Variants in ZNF280D observed in about 807,000 individuals in gnomAD.
The protein encoded by ZNF280D is suppressor of hairy wing homolog 4.
Under a neutral mutation model 94.7 loss-of-function variants are expected in ZNF280D, and 39 were observed. The ratio of observed to expected loss-of-function variants is 0.41; its 90% CI spans 0.32 to 0.54. The LOEUF (loss-of-function observed/expected upper bound fraction) is 0.54. Among genes scored for constraint, ZNF280D ranks in the 20% least tolerant of loss-of-function variants. The probability of loss-of-function intolerance (pLI) is 0.22; values close to 1 mark genes in which losing one functional copy is unlikely to be tolerated. For synonymous variants in ZNF280D, 398 were observed against 377.6 expected (o/e 1.05, Z -0.63); for missense variants, 1,090 against 1,149.3 (o/e 0.95, Z 0.75).
At chr15:56,649,065 A>G (rs762112048) in intron 19 of ZNF280D, among the ~76,000 whole-genome samples, 21 of 152,304 alleles carry the variant, frequency 1.4e-4, no homozygotes, top group Middle Eastern at 3.4e-3. Context: ...GAGAGACAAG[A>G]AATAAAAAAG....
chr15:56,665,564 G>T (rs1465714374), intron 16 of ZNF280D, among the ~76,000 whole-genome samples: 1 of 151,992 alleles, frequency 6.6e-6, no homozygotes, highest in East Asian at 1.9e-4. Flanking sequence ...AAGTATAGAT[G>T]GCCTGACAGA....
chr15:56,680,103 A>G (rs183356571), intron 10 of ZNF280D, among the ~76,000 whole-genome samples: 1 of 152,344 alleles, frequency 6.6e-6, no homozygotes, highest in Admixed American at 6.5e-5. Flanking sequence ...AACCTCTTGC[A>G]AGGATGTTCA....
intron 13 of ZNF280D, among the ~76,000 whole-genome samples, chr15:56,669,907 ATATATATTATATATATAT>A (rs2054626666): frequency 1.8e-3 from 11 of 6,264 alleles, no homozygotes; most frequent in East Asian, 0.018. Context: ...TATATAATAT[ATATATATTATATATATAT>A]TATATATATA....
At chr15:56,689,188 T>G (rs746720950) in intron 8 of ZNF280D, 38 bp from the exon 9 acceptor site, 3 of 1,581,534 alleles carry the variant, frequency 1.9e-6, no homozygotes, top group Non-Finnish European at 2.6e-6. Flanking sequence ...TCAAAATTCA[T>G]CACTTTTTAA....
intron 3 of ZNF280D, among the ~76,000 whole-genome samples, chr15:56,706,692 T>C (rs1245112375): frequency 2.0e-5 from 3 of 152,134 alleles, no homozygotes; most frequent in African/African-American, 7.2e-5. Flanking sequence ...CAAACTCATA[T>C]AGTATACAAA....
rs2052039457 is a variant in ZNF280D, at chr15:56,630,643, C to T, written c.*855G>A. 1.3e-5 allele frequency: 2 copies of T among 152,028 alleles called. No homozygotes were observed. Among genetic ancestry groups the T allele is most frequent in the African/African-American group, 2.4e-5 (1 of 41,402 alleles). 9.4% of individuals were successfully genotyped at this position (152,028 alleles called of 1,614,324 possible). On this transcript the variant is annotated 3_prime_UTR_variant, in exon 22 of 22. Coordinates refer to ENST00000267807, the MANE Select transcript of ZNF280D (RefSeq NM_017661.4). ...TGGCTTCCAGACCATTTTTATGGGC[C>T]TATTTCTAAGGAAGATCATTAAAAC... is the stretch of plus-strand genomic sequence containing the variant.
intron 12 of ZNF280D, 142 bp from the exon 13 acceptor site, chr15:56,676,958 C>T: frequency 1.6e-6 from 1 of 608,014 alleles, no homozygotes; most frequent in African/African-American, 1.9e-5. Context: ...AAGAATCTCA[C>T]TAAGGCAACA....
intron 1 of ZNF280D, among the ~76,000 whole-genome samples, chr15:56,708,897 T>G (rs2057583930): frequency 6.6e-6 from 1 of 152,086 alleles, no homozygotes; most frequent in African/African-American, 2.4e-5. Flanking sequence ...CCTAAAACCA[T>G]AAAAACCCTA....
At chr15:56,635,437 T>G (rs1202297499) in intron 20 of ZNF280D, 187 bp from the exon 21 acceptor site, 1 of 188,674 alleles carries the variant, frequency 5.3e-6, no homozygotes, top group Non-Finnish European at 1.1e-5. Flanking sequence ...TTTGAAAATG[T>G]TTTTAAACCT....
chr15:56,679,253 C>T (rs1463357915), intron 10 of ZNF280D, among the ~76,000 whole-genome samples: 1 of 152,114 alleles, frequency 6.6e-6, no homozygotes, highest in Non-Finnish European at 1.5e-5. Flanking sequence ...AAAGGAAACC[C>T]TATCACCAAA....
chr15:56,718,903 C>G (rs1458728956), intron 1 of ZNF280D, among the ~76,000 whole-genome samples: 3 of 152,192 alleles, frequency 2.0e-5, no homozygotes, highest in Admixed American at 6.5e-5. Flanking sequence ...TATTTTAACA[C>G]CATTTCTTGA....
At chr15:56,653,326 T>C in intron 19 of ZNF280D, 1 of 1,253,038 alleles carries the variant, frequency 8.0e-7, no homozygotes, top group Non-Finnish European at 1.0e-6. Context: ...CTTAAGATCA[T>C]AAGCCAAAGC....
intron 19 of ZNF280D, chr15:56,652,801 AGG>A: frequency 1.0e-6 from 1 of 984,632 alleles, no homozygotes; most frequent in Non-Finnish European, 1.2e-6. Flanking sequence ...TAATCCCAAT[AGG>A]ACAGAGTATC....
intron 1 of ZNF280D, among the ~76,000 whole-genome samples, chr15:56,722,312 G>A (rs1452082714): frequency 6.6e-6 from 1 of 152,196 alleles, no homozygotes; most frequent in Non-Finnish European, 1.5e-5. Flanking sequence ...TGCTCACGCT[G>A]TTGGAAAAAT....
chr15:56,682,049 GA>G (rs1257680695), intron 10 of ZNF280D, among the ~76,000 whole-genome samples: 1 of 152,094 alleles, frequency 6.6e-6, no homozygotes, highest in East Asian at 1.9e-4. Context: ...CTATGTGAAA[GA>G]AATATAACTA....
At chr15:56,653,096 C>A (rs2053307408) in intron 19 of ZNF280D, 2 of 987,956 alleles carry the variant, frequency 2.0e-6, no homozygotes, top group Middle Eastern at 5.1e-4. Context: ...TTTTATATGT[C>A]AGTAAAAATA....
rs912104307 is a variant in ZNF280D, at chr15:56,733,501, G to A, written c.-129C>T. The A allele has an allele frequency of 4.4e-6, 5 of 1,145,240 alleles. No homozygotes were observed. The highest frequency in any genetic ancestry group is 5.4e-6 in the Non-Finnish European group (5 of 919,916). 70.9% of individuals were successfully genotyped at this position (1,145,240 alleles called of 1,614,324 possible). On this transcript the variant is annotated 5_prime_UTR_variant, in exon 1 of 22. Transcript: ENST00000267807. ...GCCTGACTGGAGCCCTGAGGAGGAG[G>A]AGAAAGAGGAGGAGGAAAAGGAGGA...
chr15:56,700,326 T>G, intron 6 of ZNF280D: 1 of 470,126 alleles, frequency 2.1e-6, no homozygotes, highest in Non-Finnish European at 2.8e-6. Flanking sequence ...TTTCCTCAAC[T>G]AAAAAATGAG....
intron 10 of ZNF280D, among the ~76,000 whole-genome samples, chr15:56,681,327 G>A (rs1383504298): frequency 6.6e-6 from 1 of 152,180 alleles, no homozygotes; most frequent in Non-Finnish European, 1.5e-5. Context: ...ATACATATAT[G>A]TATATGCTGT....
Sources: gnomAD v4.1 joint callset for allele counts (sites outside exome capture counted in the v4.1 genomes callset) on GRCh38, gnomAD v4.1.1 for gene constraint, MANE v1.5 for transcripts, NCBI Gene and HGNC (gene_info 2026-07-23, HGNC 2026-07-21) for gene names.